LINGO2: variants seen among roughly 807,000 people sequenced by gnomAD.
The protein encoded by LINGO2 is leucine-rich repeat and immunoglobulin-like domain-containing nogo receptor-interacting protein 2.
In LINGO2, 14 loss-of-function variants were observed where a neutral mutation model predicts 30.6. That is an observed-to-expected ratio of 0.46 (90% confidence interval 0.30 to 0.72). The LOEUF is 0.72. Ranked by LOEUF, LINGO2 falls within the 30% of genes least tolerant of loss-of-function variation. The pLI, the probability that LINGO2 is intolerant of heterozygous loss-of-function variation, is 0.07. For missense variants in LINGO2, 729 were observed against 751.7 expected (o/e 0.97, Z 0.35); for synonymous variants, 317 against 288.5 (o/e 1.10, Z -1.00).
At chr9:27,963,455 G>A (rs549111850) in intron 5 of LINGO2, among the ~76,000 whole-genome samples, 2 of 152,202 alleles carry the variant, frequency 1.3e-5, no homozygotes, top group African/African-American at 4.8e-5. Flanking sequence ...ACACAAGTAA[G>A]AAAGGAAAGA....
chr9:28,001,674 A>G (rs1821961570), intron 5 of LINGO2, among the ~76,000 whole-genome samples: 1 of 151,342 alleles, frequency 6.6e-6, no homozygotes, highest in South Asian at 2.1e-4. Context: ...ATTTATTTAA[A>G]GCAGAGAAGA....
At chr9:28,561,723 TTATATATAA>T in intron 1 of LINGO2, among the ~76,000 whole-genome samples, 3 of 97,242 alleles carry the variant, frequency 3.1e-5, no homozygotes, top group Non-Finnish European at 6.2e-5. Flanking sequence ...TATAAATGTA[TTATATATAA>T]TTTTGTGTGT....
intron 4 of LINGO2, among the ~76,000 whole-genome samples, chr9:28,056,725 G>A (rs937852322): frequency 6.6e-6 from 1 of 152,144 alleles, no homozygotes; most frequent in Non-Finnish European, 1.5e-5. Flanking sequence ...TGTGGCTTAA[G>A]CTTGACTTTT....
chr9:28,063,438 T>TA (rs1825217990), intron 4 of LINGO2, among the ~76,000 whole-genome samples: 1 of 151,284 alleles, frequency 6.6e-6, no homozygotes, highest in African/African-American at 2.4e-5. Context: ...TATCCACATT[T>TA]TTTTTTTTAA....
At chr9:29,180,782 C>T in the LINGO2 span, among the ~76,000 whole-genome samples, 1 of 152,056 alleles carries the variant, frequency 6.6e-6, no homozygotes, top group African/African-American at 2.4e-5. Context: ...GCAAAGAAAG[C>T]AAAATCAGTG....
chr9:28,462,790 T>C (rs750159990), intron 2 of LINGO2, among the ~76,000 whole-genome samples: 6 of 152,178 alleles, frequency 3.9e-5, no homozygotes, highest in Admixed American at 1.3e-4. Flanking sequence ...TGTGGATTCA[T>C]AGAGTAACTT....
chr9:28,040,995 A>G (rs1401464969), intron 4 of LINGO2, among the ~76,000 whole-genome samples: 1 of 152,202 alleles, frequency 6.6e-6, no homozygotes, highest in Non-Finnish European at 1.5e-5. Flanking sequence ...GACAGTATCT[A>G]TAGCAGAGAG....
At chr9:29,005,627 T>C in the LINGO2 span, among the ~76,000 whole-genome samples, 3 of 152,190 alleles carry the variant, frequency 2.0e-5, no homozygotes, top group East Asian at 5.8e-4. Flanking sequence ...ACACAGGGAA[T>C]TGCTTCCAGG....
intron 3 of LINGO2, among the ~76,000 whole-genome samples, chr9:28,365,086 G>A (rs1408779096): frequency 6.6e-6 from 1 of 152,174 alleles, no homozygotes; most frequent in Non-Finnish European, 1.5e-5. Flanking sequence ...TGGGAGCACA[G>A]AGGGATTGCT....
the LINGO2 span, among the ~76,000 whole-genome samples, chr9:28,960,123 C>T: frequency 6.6e-6 from 1 of 152,082 alleles, no homozygotes; most frequent in Non-Finnish European, 1.5e-5. Context: ...TGAATCTATT[C>T]TTGATATGTG....
chr9:28,106,409 A>G (rs545810941), intron 4 of LINGO2, among the ~76,000 whole-genome samples: 13 of 152,278 alleles, frequency 8.5e-5, no homozygotes, highest in African/African-American at 1.9e-4. Flanking sequence ...TACAAATTTC[A>G]AATTTTTTGA....
chr9:28,344,576 T>A (rs947854971), intron 3 of LINGO2, among the ~76,000 whole-genome samples: 1 of 152,134 alleles, frequency 6.6e-6, no homozygotes, highest in Non-Finnish European at 1.5e-5. Flanking sequence ...AATTGTGGGA[T>A]TAGATTATTT....
the LINGO2 span, among the ~76,000 whole-genome samples, chr9:28,811,481 T>C: frequency 6.6e-6 from 1 of 152,280 alleles, no homozygotes; most frequent in South Asian, 2.1e-4. Flanking sequence ...AACTGGGAAG[T>C]GAACCCAAAC....
chr9:28,188,743 C>T (rs1015617098), intron 4 of LINGO2, among the ~76,000 whole-genome samples: 5 of 152,124 alleles, frequency 3.3e-5, no homozygotes, highest in Admixed American at 1.3e-4. Flanking sequence ...ATAGCACCTG[C>T]TTCTATATTC....
intron 4 of LINGO2, among the ~76,000 whole-genome samples, chr9:28,045,376 AGTT>A (rs1824373427): frequency 6.6e-6 from 1 of 152,172 alleles, no homozygotes; most frequent in Non-Finnish European, 1.5e-5. Flanking sequence ...TGAATTGTCA[AGTT>A]TTCCGAATTA....
chr9:28,426,699 G>A (rs2062293938), intron 2 of LINGO2, among the ~76,000 whole-genome samples: 1 of 152,028 alleles, frequency 6.6e-6, no homozygotes, highest in Non-Finnish European at 1.5e-5. Context: ...GAGGTTTAGT[G>A]TCCATCCAAG....
At chr9:29,028,217 G>A in the LINGO2 span, among the ~76,000 whole-genome samples, 1 of 152,064 alleles carries the variant, frequency 6.6e-6, no homozygotes, top group African/African-American at 2.4e-5. Flanking sequence ...AGTTACAACT[G>A]CAAATTGAAT....
intron 1 of LINGO2, among the ~76,000 whole-genome samples, chr9:28,539,174 A>G (rs1427278206): frequency 6.6e-6 from 1 of 152,104 alleles, no homozygotes; most frequent in Non-Finnish European, 1.5e-5. Flanking sequence ...AAGGTTATGC[A>G]GCCATATTAA....
the LINGO2 span, among the ~76,000 whole-genome samples, chr9:28,849,193 CACA>C: frequency 3.6e-4 from 54 of 151,928 alleles, no homozygotes; most frequent in Non-Finnish European, 7.2e-4. Flanking sequence ...AAAACTTACA[CACA>C]ACAAAACATC....
Sources: gnomAD v4.1 joint callset for allele counts (sites outside exome capture counted in the v4.1 genomes callset) on GRCh38, gnomAD v4.1.1 for gene constraint, MANE v1.5 for transcripts, NCBI Gene and HGNC (gene_info 2026-07-23, HGNC 2026-07-21) for gene names.